ZNF804B: variants seen among roughly 807,000 people sequenced by gnomAD.
ZNF804B encodes the protein zinc finger protein 804B, also known as zinc finger 804B.
A neutral mutation model predicts 101.4 loss-of-function variants in ZNF804B; 80 were observed. That is an observed-to-expected ratio of 0.79 (90% CI 0.66 to 0.95). The LOEUF is 0.95. Among genes scored for constraint, ZNF804B ranks in the 40% least tolerant of loss-of-function variants. ZNF804B has a pLI of 0.00. For missense variants in ZNF804B, 1,673 were observed against 1,561.9 expected, an observed-to-expected ratio of 1.07 and a Z score of -1.20; for synonymous variants, 622 against 558.8, an observed-to-expected ratio of 1.11 and a Z score of -1.59.
At chr7:89,272,547 G>T (rs1220435377) in intron 2 of ZNF804B, among the ~76,000 whole-genome samples, 1 of 152,034 alleles carries the variant, frequency 6.6e-6, no homozygotes, top group African/African-American at 2.4e-5. Context: ...GAAGTGAAAT[G>T]CAGGGTTCTA....
intron 1 of ZNF804B, chr7:88,794,130 T>A: frequency 6.9e-7 from 1 of 1,457,538 alleles, no homozygotes; most frequent in Non-Finnish European, 9.2e-7. Context: ...TTTTTTTTAT[T>A]TAAGTAGCAC....
chr7:89,287,034 T>A (rs183176807), intron 2 of ZNF804B, among the ~76,000 whole-genome samples: 35 of 152,304 alleles, frequency 2.3e-4, no homozygotes, highest in African/African-American at 8.2e-4. Context: ...GATGAAGATT[T>A]TTATGGTGAT....
chr7:88,806,616 G>GGTGTGT (rs145554500), intron 1 of ZNF804B, among the ~76,000 whole-genome samples: 4 of 149,004 alleles, frequency 2.7e-5, no homozygotes, highest in Admixed American at 2.0e-4. Flanking sequence ...TCATTTGAGG[G>GGTGTGT]GTGTGTGTGT....
Position 88,926,152 on chromosome 7 carries a change from GGATGTTAAGCT to G in ZNF804B, c.108+166071_108+166081del, listed in dbSNP as rs1193992011. Reference sequence around the variant, plus strand: ...AATTTAGAATTCATTACTGCATTCTGGATGTTAAGCTGAAGCATCTGATAAACCTTTTAATG... The same window carrying G: ...AATTTAGAATTCATTACTGCATTCTGGAAGCATCTGATAAACCTTTTAATG... On this transcript the variant is annotated intron_variant, in intron 1 of 3. Coordinates refer to ENST00000333190, the MANE Select transcript of ZNF804B (RefSeq NM_181646.5). Among the ~76,000 whole-genome samples the G allele has an allele frequency of 2.0e-5, 3 of 152,264 alleles. No individual in the cohort carries two copies. In the South Asian group the frequency reaches 6.2e-4, roughly 32 times the overall value.
In ZNF804B at chr7:89,022,067, C is replaced by G. The variant is rs544682679; in HGVS notation, c.109-196088C>G. On this transcript the variant is annotated intron_variant, in intron 1 of 3. Coordinates refer to ENST00000333190, the MANE Select transcript of ZNF804B (RefSeq NM_181646.5). ...GTTTCTCCACTTACTTTTTTTTCCA[C>G]GAGGGGAAGTCTCTCTTGACTTCAG... Among the ~76,000 whole-genome samples the G allele has an allele frequency of 1.9e-3, 286 of 151,954 alleles. 2 individuals carry two copies. The highest frequency in any genetic ancestry group is 2.5e-3 in the Non-Finnish European group (172 of 67,946).
At chr7:88,891,505 C>T (rs1207642597) in intron 1 of ZNF804B, among the ~76,000 whole-genome samples, 4 of 152,076 alleles carry the variant, frequency 2.6e-5, no homozygotes, top group Non-Finnish European at 4.4e-5. Flanking sequence ...GTAATCCAAT[C>T]TGATAATCTC....
chr7:88,793,557 C>T (rs978627073), intron 1 of ZNF804B, among the ~76,000 whole-genome samples: 4 of 151,860 alleles, frequency 2.6e-5, no homozygotes, highest in African/African-American at 9.7e-5. Context: ...ATTATATAGG[C>T]CAGAATATGT....
intron 1 of ZNF804B, among the ~76,000 whole-genome samples, chr7:88,974,824 A>G (rs1793592219): frequency 6.6e-6 from 1 of 151,424 alleles, no homozygotes; most frequent in Non-Finnish European, 1.5e-5. Flanking sequence ...TACAAAATGT[A>G]TAATAAATTA....
intron 1 of ZNF804B, among the ~76,000 whole-genome samples, chr7:88,878,625 T>C (rs1317449818): frequency 2.6e-5 from 4 of 152,162 alleles, no homozygotes; most frequent in Non-Finnish European, 5.9e-5. Context: ...TATACTATGC[T>C]ATTTTTGACA....
intron 1 of ZNF804B, among the ~76,000 whole-genome samples, chr7:88,844,107 T>A (rs1321444115): frequency 2.6e-5 from 4 of 152,178 alleles, no homozygotes; most frequent in Non-Finnish European, 5.9e-5. Flanking sequence ...ACCTTTTTGC[T>A]AAATTATTTT....
intron 2 of ZNF804B, among the ~76,000 whole-genome samples, chr7:89,287,897 G>A (rs566818342): frequency 6.6e-6 from 1 of 150,740 alleles, no homozygotes; most frequent in African/African-American, 2.4e-5. Flanking sequence ...AGTCTCAACA[G>A]CATCAAAGTA....
intron 1 of ZNF804B, among the ~76,000 whole-genome samples, chr7:88,802,488 CCCTATCT>C (rs1361896701): frequency 1.3e-5 from 2 of 151,838 alleles, no homozygotes; most frequent in Non-Finnish European, 2.9e-5. Context: ...TAAAGTTTCC[CCCTATCT>C]CAGGGAAAAG....
chr7:89,156,283 T>G (rs965051923), intron 1 of ZNF804B, among the ~76,000 whole-genome samples: 6 of 151,846 alleles, frequency 4.0e-5, no homozygotes, highest in Non-Finnish European at 7.4e-5. Context: ...CTGGCAAATT[T>G]TTTGTATTTT....
intron 3 of ZNF804B, among the ~76,000 whole-genome samples, chr7:89,330,932 A>T (rs1790967241): frequency 6.6e-6 from 1 of 151,154 alleles, no homozygotes; most frequent in Non-Finnish European, 1.5e-5. Flanking sequence ...CATTTAGATT[A>T]ACATAAAGCA....
rs1246887795 is a variant in ZNF804B at position 89,249,491 on chromosome 7, A to C, written c.249+31196A>C. On this transcript the variant is annotated intron_variant, in intron 2 of 3. Transcript: ENST00000333190. Reference sequence around the variant, plus strand: ...AATAACAGGAAGATCTCTCAAAACTACAAAATTACATGGAAATTAAACACC... The same window carrying C: ...AATAACAGGAAGATCTCTCAAAACTCCAAAATTACATGGAAATTAAACACC... Among the ~76,000 whole-genome samples, 7 of 152,192 alleles carry C rather than the reference A, an allele frequency of 4.6e-5. No homozygotes were observed. The East Asian group carries it at 1.2e-3, about 25-fold the overall frequency.
chr7:88,992,903 G>C (rs1793866723), intron 1 of ZNF804B, among the ~76,000 whole-genome samples: 1 of 151,772 alleles, frequency 6.6e-6, no homozygotes. Context: ...ACAGTTACCT[G>C]TGAGGAGATT....
chr7:89,201,289 T>C (rs1378378384), intron 1 of ZNF804B, among the ~76,000 whole-genome samples: 1 of 151,978 alleles, frequency 6.6e-6, no homozygotes, highest in Admixed American at 6.6e-5. Flanking sequence ...GAATTAGGAT[T>C]TTTTATAGCA....
intron 1 of ZNF804B, among the ~76,000 whole-genome samples, chr7:88,918,083 T>G (rs1792661784): frequency 6.6e-6 from 1 of 152,126 alleles, no homozygotes; most frequent in Non-Finnish European, 1.5e-5. Flanking sequence ...GAATAATCTC[T>G]CATGGAAAGA....
At chr7:89,307,527 C>G (rs1790583971) in intron 2 of ZNF804B, among the ~76,000 whole-genome samples, 1 of 151,958 alleles carries the variant, frequency 6.6e-6, no homozygotes, top group Non-Finnish European at 1.5e-5. Flanking sequence ...TATATTGCCA[C>G]TTAAATTATA....
Sources: gnomAD v4.1 joint callset for allele counts (sites outside exome capture counted in the v4.1 genomes callset) on GRCh38, gnomAD v4.1.1 for gene constraint, MANE v1.5 for transcripts, NCBI Gene and HGNC (gene_info 2026-07-23, HGNC 2026-07-21) for gene names.